LRBA: variants seen among roughly 807,000 people sequenced by gnomAD.
The protein encoded by LRBA is LPS responsive beige-like anchor protein.
A neutral mutation model predicts 330.0 loss-of-function variants in LRBA; 176 were observed. The observed-to-expected ratio is 0.53, with a 90% CI of 0.47 to 0.60. The LOEUF (loss-of-function observed/expected upper bound fraction) is 0.60. Among genes scored for constraint, LRBA ranks in the 20% least tolerant of loss-of-function variants. The pLI, the probability that LRBA is intolerant of heterozygous loss-of-function variation, is 0.00. For missense variants in LRBA, 3,259 were observed against 3,444.8 expected (o/e 0.95, Z 1.35); for synonymous variants, 1,230 against 1,193.0 (o/e 1.03, Z -0.64).
At chr4:150,344,697 G>A (rs539198500) in intron 48 of LRBA, among the ~76,000 whole-genome samples, 1 of 152,314 alleles carries the variant, frequency 6.6e-6, no homozygotes, top group African/African-American at 2.4e-5. Flanking sequence ...CTATATGTAT[G>A]TGCCACCATG....
rs549685881 is a variant in LRBA, at chr4:150,540,242, C to T, written c.6330+47806G>A. ...GGGTGTTGTTGTTGTTGTTGGGAGA[C>T]GGAGTCTCACTCTGTCACCCAGGCT... is the stretch of plus-strand genomic sequence containing the variant. On this transcript the variant is annotated intron_variant, in intron 40 of 56. Transcript: ENST00000651943. Among the ~76,000 whole-genome samples the T allele has an allele frequency of 6.6e-4, 101 of 152,254 alleles. No individual in the cohort carries two copies. In the Middle Eastern group the frequency reaches 0.01, roughly 15 times the overall value.
At chr4:150,474,755 T>C (rs535786594) in intron 42 of LRBA, among the ~76,000 whole-genome samples, 3 of 152,298 alleles carry the variant, frequency 2.0e-5, no homozygotes, top group Admixed American at 6.5e-5. Flanking sequence ...AGTGCAGATA[T>C]CTTTAATTTC....
chr4:150,916,812 G>GCA (rs1361308377), intron 5 of LRBA, 74 bp from the exon 6 acceptor site: 1 of 1,152,582 alleles, frequency 8.7e-7, no homozygotes, highest in Non-Finnish European at 1.2e-6. Flanking sequence ...ATAAGACTTT[G>GCA]CAATGCTACA....
intron 40 of LRBA, among the ~76,000 whole-genome samples, chr4:150,577,271 A>T (rs1230941166): frequency 1.3e-5 from 2 of 152,050 alleles, no homozygotes; most frequent in African/African-American, 4.8e-5. Context: ...ATAAAATTTC[A>T]TCAACTAGAA....
At chr4:150,383,968 T>A (rs1055972694) in intron 47 of LRBA, among the ~76,000 whole-genome samples, 1 of 152,202 alleles carries the variant, frequency 6.6e-6, no homozygotes, top group Non-Finnish European at 1.5e-5. Context: ...CAAATTATTA[T>A]AATATTCTAT....
chr4:150,904,091 TCC>T (rs1420568691), intron 13 of LRBA, among the ~76,000 whole-genome samples: 1 of 152,190 alleles, frequency 6.6e-6, no homozygotes, highest in Admixed American at 6.5e-5. Context: ...CGCTGGTAGC[TCC>T]CTTTTCCAAA....
chr4:150,954,497 G>T (rs1230187401), intron 2 of LRBA, among the ~76,000 whole-genome samples: 2 of 151,792 alleles, frequency 1.3e-5, no homozygotes, highest in East Asian at 3.9e-4. Flanking sequence ...AACATGTGCT[G>T]TGTCCACTAA....
chr4:150,992,816 T>C (rs1392042753), intron 2 of LRBA, among the ~76,000 whole-genome samples: 1 of 152,238 alleles, frequency 6.6e-6, no homozygotes, highest in Non-Finnish European at 1.5e-5. Context: ...TCCATTTTCC[T>C]ATCTACTAAC....
chr4:150,575,092 G>A (rs1254978961), intron 40 of LRBA, among the ~76,000 whole-genome samples: 1 of 151,936 alleles, frequency 6.6e-6, no homozygotes, highest in Non-Finnish European at 1.5e-5. Context: ...AAGATAGGAA[G>A]GAAAAATTCA....
chr4:150,360,314 AG>A (rs1342145904), intron 47 of LRBA, among the ~76,000 whole-genome samples: 46 of 151,804 alleles, frequency 3.0e-4, no homozygotes, highest in Non-Finnish European at 6.0e-4. Context: ...CATTTTAAAA[AG>A]TAAAAAAAAA....
chr4:150,451,394 C>T (rs943944546), intron 44 of LRBA, among the ~76,000 whole-genome samples: 5 of 152,094 alleles, frequency 3.3e-5, no homozygotes, highest in African/African-American at 1.2e-4. Flanking sequence ...GAAATAAACA[C>T]AAGAAAGACA....
intron 40 of LRBA, among the ~76,000 whole-genome samples, chr4:150,559,904 ATT>A (rs1561352722): frequency 8.9e-5 from 6 of 67,786 alleles, no homozygotes; most frequent in South Asian, 3.3e-4. Flanking sequence ...ATTATATATA[ATT>A]ATATATAATA....
At chr4:150,638,584 C>CA (rs1443714260) in intron 37 of LRBA, among the ~76,000 whole-genome samples, 1 of 151,300 alleles carries the variant, frequency 6.6e-6, no homozygotes, top group African/African-American at 2.4e-5. Context: ...TTTATGCAGC[C>CA]AAAAAACACA....
At chr4:150,355,748 G>A (rs1737751969) in intron 47 of LRBA, among the ~76,000 whole-genome samples, 1 of 151,948 alleles carries the variant, frequency 6.6e-6, no homozygotes, top group South Asian at 2.1e-4. Context: ...TATTTATAAT[G>A]AATGAAACAT....
At chr4:151,012,357 G>C (rs1744953886) in intron 2 of LRBA, among the ~76,000 whole-genome samples, 1 of 152,156 alleles carries the variant, frequency 6.6e-6, no homozygotes, top group Admixed American at 6.6e-5. Flanking sequence ...TAAAGAACAG[G>C]AGTTCAAATC....
intron 47 of LRBA, among the ~76,000 whole-genome samples, chr4:150,359,961 CAGA>C (rs1738442623): frequency 1.4e-5 from 2 of 144,278 alleles, no homozygotes; most frequent in African/African-American, 5.1e-5. Flanking sequence ...GCCTGGGTGA[CAGA>C]GCAAGACTCC....
At chr4:150,758,007 T>A (rs1734546803) in intron 35 of LRBA, among the ~76,000 whole-genome samples, 1 of 152,118 alleles carries the variant, frequency 6.6e-6, no homozygotes, top group African/African-American at 2.4e-5. Flanking sequence ...ACAGATGATA[T>A]AAAAATAAAT....
intron 37 of LRBA, among the ~76,000 whole-genome samples, chr4:150,645,139 G>GA (rs1208338154): frequency 0.027 from 3,238 of 121,402 alleles, 57 homozygotes; most frequent in Middle Eastern, 0.047. Flanking sequence ...CCTGTCTCAA[G>GA]AAAAAAAAAA....
chr4:151,003,338 A>T (rs1743615024), intron 2 of LRBA, among the ~76,000 whole-genome samples: 1 of 150,384 alleles, frequency 6.6e-6, no homozygotes, highest in Non-Finnish European at 1.5e-5. Flanking sequence ...CGAAGGTTAC[A>T]GTGAGCCAAA....
Sources: allele counts gnomAD v4.1 joint callset (sites outside exome capture counted in the v4.1 genomes callset), GRCh38; gene constraint gnomAD v4.1.1; transcripts MANE v1.5; gene names NCBI Gene and HGNC (gene_info 2026-07-23, HGNC 2026-07-21).